The following CRYBB2 variants were observed in gnomAD, a reference collection of about 807,000 sequenced individuals.
CRYBB2 encodes the protein beta-crystallin B2.
Under a neutral mutation model 24.3 loss-of-function variants are expected in CRYBB2, and 12 were observed. That is an observed-to-expected ratio of 0.49 (90% CI 0.32 to 0.80). The LOEUF (loss-of-function observed/expected upper bound fraction) is 0.80. Ranked by LOEUF, CRYBB2 falls within the 30% of genes least tolerant of loss-of-function variation. The pLI, the probability that CRYBB2 is intolerant of heterozygous loss-of-function variation, is 0.04. For missense variants in CRYBB2, 198 were observed against 268.5 expected (o/e 0.74, Z 1.83); for synonymous variants, 98 against 101.6 (o/e 0.96, Z 0.21).
chr22:25,213,173 C>A (rs1935127145), intron 1 of CRYBB2: 1 of 152,094 alleles, frequency 6.6e-6, no homozygotes, highest in African/African-American at 2.4e-5. Context: ...AGTAAAAGGG[C>A]TGTTACAAAA....
chr22:25,216,195 T>C (rs1179239544), upstream of CRYBB2, among the ~76,000 whole-genome samples: 10 of 152,224 alleles, frequency 6.6e-5, no homozygotes. Flanking sequence ...GGCTGACCTG[T>C]GTCCATAAAA....
In CRYBB2 at chr22:25,228,082, G is replaced by A. The variant is rs5760923; in HGVS notation, c.306+97G>A. On this transcript the variant is annotated intron_variant, in intron 4 of 5. Coordinates refer to ENST00000398215, the MANE Select transcript of CRYBB2 (RefSeq NM_000496.3). ...GCTGGAGGTCTGGGGACCAGGAAGG[G>A]GCCCGCCCCTCTAGCACTGTGCCCC... 0.67 allele frequency: 1,048,476 copies of A among 1,575,986 alleles called. 352,986 individuals are homozygous for A. Among genetic ancestry groups the A allele is most frequent in the East Asian group, 0.96 (41,344 of 43,096 alleles).
At chr22:25,218,214 G>C (rs532904162), upstream of CRYBB2, among the ~76,000 whole-genome samples, 18 of 149,936 alleles carry the variant, frequency 1.2e-4, no homozygotes, top group Admixed American at 2.7e-4. Context: ...AGCTGAGATC[G>C]TGCCACTGCA....
At chr22:25,217,596 C>T (rs926988645), upstream of CRYBB2, among the ~76,000 whole-genome samples, 6 of 151,926 alleles carry the variant, frequency 3.9e-5, no homozygotes, top group Non-Finnish European at 8.8e-5. Flanking sequence ...GGATTACAGG[C>T]GTGAGCCGCT....
upstream of CRYBB2, among the ~76,000 whole-genome samples, chr22:25,217,515 C>G (rs1273216807): frequency 1.3e-5 from 2 of 152,120 alleles, no homozygotes; most frequent in East Asian, 3.9e-4. Context: ...CGGGGTTTCT[C>G]CATGTTGCTC....
At chr22:25,225,876 A>G (rs1458839875) in intron 3 of CRYBB2, among the ~76,000 whole-genome samples, 2 of 152,242 alleles carry the variant, frequency 1.3e-5, no homozygotes, top group African/African-American at 4.8e-5. Context: ...TGACATGCTC[A>G]GGGAATCTGT....
At chr22:25,220,348 C>T (rs1935298180) in intron 1 of CRYBB2, among the ~76,000 whole-genome samples, 1 of 152,182 alleles carries the variant, frequency 6.6e-6, no homozygotes, top group African/African-American at 2.4e-5. Flanking sequence ...GAAGTTGAGG[C>T]ATAGGGAGAG....
chr22:25,231,068 A>G (rs1935522715), intron 5 of CRYBB2, among the ~76,000 whole-genome samples: 1 of 152,194 alleles, frequency 6.6e-6, no homozygotes, highest in Non-Finnish European at 1.5e-5. Flanking sequence ...GTAGAGCTGG[A>G]GGTGTCCACA....
At chr22:25,215,985 A>G (rs1935164795), upstream of CRYBB2, among the ~76,000 whole-genome samples, 1 of 152,214 alleles carries the variant, frequency 6.6e-6, no homozygotes, top group Non-Finnish European at 1.5e-5. Flanking sequence ...TCTCTTTTAT[A>G]AAATGGAATG....
At position 25,231,544 on chromosome 22, in the gene CRYBB2, CTCTG is replaced by C. The variant is rs1361029280; in HGVS notation, c.450-55_450-52del. 5 of 1,531,506 alleles carry C rather than the reference CTCTG, an allele frequency of 3.3e-6. No homozygotes were observed. The Admixed American group carries it at 8.4e-5, about 26-fold the overall frequency. The allele number at this position is 1,531,506 out of a possible 1,614,324, so 94.9% of individuals were successfully genotyped here. ...TCTATCTCTCTCCCCTCGCCTCTCT[CTCTG>C]TCTGCTTCTCTTCCTGTCCCCCTCG... On this transcript the variant is annotated intron_variant, in intron 5 of 5. Coordinates refer to ENST00000398215, the MANE Select transcript of CRYBB2 (RefSeq NM_000496.3).
upstream of CRYBB2, among the ~76,000 whole-genome samples, chr22:25,218,192 G>A (rs1299617087): frequency 3.3e-5 from 5 of 151,784 alleles, no homozygotes; most frequent in Non-Finnish European, 7.4e-5. Context: ...ACGGGAGGCA[G>A]AGCTTGCAGT....
chr22:25,213,569 A>G (rs1451048633), intron 1 of CRYBB2: 3 of 152,258 alleles, frequency 2.0e-5, no homozygotes, highest in African/African-American at 7.2e-5. Context: ...TCAGGACAGC[A>G]GAAGAGAAGA....
intron 5 of CRYBB2, among the ~76,000 whole-genome samples, chr22:25,231,012 G>A (rs1260661820): frequency 6.6e-6 from 1 of 152,166 alleles, no homozygotes; most frequent in Non-Finnish European, 1.5e-5. Flanking sequence ...CTCTACAAAG[G>A]CCATGGTGGC....
upstream of CRYBB2, among the ~76,000 whole-genome samples, chr22:25,218,842 A>AAGAAAGAAAG (rs1569016567): frequency 8.4e-5 from 10 of 118,796 alleles, no homozygotes; most frequent in African/African-American, 3.6e-4. Flanking sequence ...AAGAAAGAGA[A>AAGAAAGAAAG]AGAAAGAAAG....
At position 25,226,168 on chromosome 22, in the gene CRYBB2, C is replaced by CTGTGTG. The variant is rs3064285; in HGVS notation, c.173+1166_173+1171dup. Among the ~76,000 whole-genome samples the CTGTGTG allele has an allele frequency of 3.2e-3, 471 of 149,144 alleles. 1 individual carries two copies. Among genetic ancestry groups the CTGTGTG allele is most frequent in the African/African-American group, 0.01 (408 of 40,420 alleles). ...GATTTTGGTATGAATTTGGATTTCT[C>CTGTGTG]TGTGTGTGTGTGTGTGTGTGTGTGT... is the stretch of plus-strand genomic sequence containing the variant. On this transcript the variant is annotated intron_variant, in intron 3 of 5. Transcript: ENST00000398215.
intron 5 of CRYBB2, among the ~76,000 whole-genome samples, chr22:25,230,976 T>G (rs55914070): frequency 0.042 from 6,380 of 152,024 alleles, 209 homozygotes; most frequent in South Asian, 0.11. Context: ...GTGGTGTGTG[T>G]GGGGGAGCCT....
At chr22:25,226,138 A>G (rs1023786494) in intron 3 of CRYBB2, among the ~76,000 whole-genome samples, 1 of 151,364 alleles carries the variant, frequency 6.6e-6, no homozygotes, top group African/African-American at 2.4e-5. Flanking sequence ...AGTAACCATT[A>G]TTAAGATTTT....
At chr22:25,218,820 A>AGAAAGAAAGAAAGAAAG (rs1555888322), upstream of CRYBB2, among the ~76,000 whole-genome samples, 2 of 91,088 alleles carry the variant, frequency 2.2e-5, no homozygotes, top group Non-Finnish European at 4.2e-5. Flanking sequence ...GAAAGAAAGA[A>AGAAAGAAAGAAAGAAAG]AGAAAGAAAG....
chr22:25,224,853 G>A (rs538388326), intron 2 of CRYBB2, 65 bp from the exon 3 acceptor site: 37 of 898,186 alleles, frequency 4.1e-5, no homozygotes, highest in Admixed American at 1.0e-4. Flanking sequence ...CCCTCCCCAC[G>A]TCTACCACCC....
Sources: allele counts gnomAD v4.1 joint callset (sites outside exome capture counted in the v4.1 genomes callset), GRCh38; gene constraint gnomAD v4.1.1; transcripts MANE v1.5; gene names NCBI Gene and HGNC (gene_info 2026-07-23, HGNC 2026-07-21).